Variants in RANBP2 observed in about 807,000 individuals in gnomAD.
The protein encoded by RANBP2 is E3 SUMO-protein ligase RanBP2.
In RANBP2, 57 loss-of-function variants were observed where a neutral mutation model predicts 303.6. The observed-to-expected ratio is 0.19, with a 90% CI of 0.15 to 0.23. The LOEUF (loss-of-function observed/expected upper bound fraction) is 0.23, where lower values mean the gene tolerates loss of function less well. Among genes scored for constraint, RANBP2 ranks in the 10% least tolerant of loss-of-function variants. The pLI is 1.00. For missense variants in RANBP2, 3,138 were observed against 3,780.8 expected, an observed-to-expected ratio of 0.83 and a Z score of 4.46; for synonymous variants, 1,167 against 1,301.5, an observed-to-expected ratio of 0.90 and a Z score of 2.23.
chr2:109,498,411 G>T, the RANBP2 span, among the ~76,000 whole-genome samples: 6 of 152,266 alleles, frequency 3.9e-5, no homozygotes, highest in East Asian at 1.2e-3. Flanking sequence ...TGTGCCCAGG[G>T]GCTGTGCACT....
chr2:109,616,265 G>A, the RANBP2 span: 1 of 773,236 alleles, frequency 1.3e-6, no homozygotes, highest in Non-Finnish European at 1.8e-6. Flanking sequence ...ATCATACCTT[G>A]ACCTGTACCT....
chr2:108,987,138 C>T, the RANBP2 span, among the ~76,000 whole-genome samples: 1 of 152,324 alleles, frequency 6.6e-6, no homozygotes, highest in Non-Finnish European at 1.5e-5. Context: ...GTTTACAGCT[C>T]CTGTATTTGA....
chr2:108,997,886 G>A, the RANBP2 span, among the ~76,000 whole-genome samples: 21 of 152,134 alleles, frequency 1.4e-4, no homozygotes, highest in African/African-American at 5.1e-4. Context: ...GTTAGACTCC[G>A]TCTCAAAAAG....
the RANBP2 span, among the ~76,000 whole-genome samples, chr2:108,974,866 C>G: frequency 6.6e-6 from 1 of 152,316 alleles, no homozygotes; most frequent in African/African-American, 2.4e-5. Flanking sequence ...GCTGCCTCAC[C>G]AGGCCTGCCC....
the RANBP2 span, chr2:109,545,678 T>G: frequency 6.8e-7 from 1 of 1,467,476 alleles, no homozygotes; most frequent in East Asian, 2.5e-5. Flanking sequence ...TATTTAGACA[T>G]GAAATTCAAA....
At chr2:109,447,365 G>A in the RANBP2 span, among the ~76,000 whole-genome samples, 1 of 152,048 alleles carries the variant, frequency 6.6e-6, no homozygotes. Context: ...ATGTCTCACG[G>A]TGCTACTTCC....
the RANBP2 span, among the ~76,000 whole-genome samples, chr2:109,603,256 A>T: frequency 8.6e-5 from 13 of 150,668 alleles, no homozygotes; most frequent in African/African-American, 2.9e-4. Flanking sequence ...TTTTTTTTTG[A>T]GACAGTCTCA....
At chr2:108,793,763 A>AT in the RANBP2 span, among the ~76,000 whole-genome samples, 158 of 145,512 alleles carry the variant, frequency 1.1e-3, no homozygotes, top group Middle Eastern at 3.5e-3. Context: ...CGCCCGGCTA[A>AT]TTTTTTTTTT....
chr2:108,944,896 G>A, the RANBP2 span, among the ~76,000 whole-genome samples: 2 of 152,188 alleles, frequency 1.3e-5, no homozygotes, highest in South Asian at 2.1e-4. Flanking sequence ...AACTGACGCC[G>A]GGGAGGTGCT....
chr2:109,141,579 A>T, the RANBP2 span: 1 of 154,868 alleles, frequency 6.5e-6, no homozygotes, highest in Non-Finnish European at 1.5e-5. Context: ...TGAAGCTCCA[A>T]CCCACTGCAC....
the RANBP2 span, among the ~76,000 whole-genome samples, chr2:109,059,548 C>A: frequency 6.6e-6 from 1 of 151,880 alleles, no homozygotes; most frequent in Admixed American, 6.5e-5. Flanking sequence ...TGCACTCCAG[C>A]CTGGGCAACA....
chr2:109,475,862 T>C, the RANBP2 span, among the ~76,000 whole-genome samples: 4 of 152,224 alleles, frequency 2.6e-5, no homozygotes, highest in Non-Finnish European at 5.9e-5. Flanking sequence ...TATGCTGATA[T>C]TGATTACCTT....
the RANBP2 span, among the ~76,000 whole-genome samples, chr2:108,845,415 G>A: frequency 6.6e-6 from 1 of 151,886 alleles, no homozygotes; most frequent in African/African-American, 2.4e-5. Context: ...GGAACCAGTT[G>A]GTCACAAATT....
At chr2:108,840,401 A>T in the RANBP2 span, among the ~76,000 whole-genome samples, 2 of 152,290 alleles carry the variant, frequency 1.3e-5, no homozygotes, top group South Asian at 4.1e-4. Flanking sequence ...AATTATGTAG[A>T]CTAAGTGTTC....
the RANBP2 span, among the ~76,000 whole-genome samples, chr2:109,521,113 G>A: frequency 6.6e-6 from 1 of 151,690 alleles, no homozygotes; most frequent in Non-Finnish European, 1.5e-5. Context: ...GCTACTCGGA[G>A]AGGCTGAGGC....
the RANBP2 span, among the ~76,000 whole-genome samples, chr2:108,832,298 A>G: frequency 2.0e-5 from 3 of 149,024 alleles, no homozygotes; most frequent in Non-Finnish European, 4.4e-5. Flanking sequence ...AAGTGCTGAG[A>G]TTACAGGCGT....
chr2:108,881,843 A>G, the RANBP2 span, among the ~76,000 whole-genome samples: 6 of 152,174 alleles, frequency 3.9e-5, no homozygotes, highest in Admixed American at 3.9e-4. Flanking sequence ...CAATTACAAT[A>G]GTAACATCAG....
chr2:109,240,501 A>C, the RANBP2 span, among the ~76,000 whole-genome samples: 1 of 152,108 alleles, frequency 6.6e-6, no homozygotes, highest in African/African-American at 2.4e-5. Flanking sequence ...AAATACAAAC[A>C]ACAAAAACTA....
the RANBP2 span, among the ~76,000 whole-genome samples, chr2:108,875,878 T>C: frequency 6.6e-5 from 10 of 152,246 alleles, no homozygotes; most frequent in South Asian, 6.2e-4. Flanking sequence ...AAAGTTTTCT[T>C]TTTTCCCCAG....
Sources: allele counts gnomAD v4.1 joint callset (sites outside exome capture counted in the v4.1 genomes callset), GRCh38; gene constraint gnomAD v4.1.1; transcripts MANE v1.5; gene names NCBI Gene and HGNC (gene_info 2026-07-23, HGNC 2026-07-21).